Variants in ACOT1 observed in about 807,000 individuals in gnomAD.
ACOT1 encodes acyl-coenzyme A thioesterase 1.
In ACOT1, 8 loss-of-function variants were observed where a neutral mutation model predicts 15.7. The observed-to-expected ratio is 0.51, with a 90% CI of 0.30 to 0.92. ACOT1 has a LOEUF of 0.92. Ranked by LOEUF, ACOT1 falls within the 40% of genes least tolerant of loss-of-function variation. ACOT1 has a pLI of 0.06. For missense variants in ACOT1, 151 were observed against 539.4 expected, an observed-to-expected ratio of 0.28 and a Z score of 7.13; for synonymous variants, 67 against 241.2, an observed-to-expected ratio of 0.28 and a Z score of 6.69.
chr14:73,506,728 A>G, the ACOT1 span, among the ~76,000 whole-genome samples: 1 of 151,784 alleles, frequency 6.6e-6, no homozygotes, highest in South Asian at 2.1e-4. Flanking sequence ...TGACTCTGGG[A>G]TCATAAATTG....
chr14:73,522,475 A>G, the ACOT1 span: 2 of 1,614,208 alleles, frequency 1.2e-6, no homozygotes, highest in South Asian at 2.2e-5. Context: ...GGGATGCCCC[A>G]GGCCTTCGAG....
At chr14:73,517,393 TCTGG>T in the ACOT1 span, 1 of 152,180 alleles carries the variant, frequency 6.6e-6, no homozygotes, top group Non-Finnish European at 1.5e-5. Flanking sequence ...AAAAGAATCC[TCTGG>T]CTGGGAGAGT....
the ACOT1 span, chr14:73,518,981 C>G: frequency 1.3e-6 from 2 of 1,575,334 alleles, no homozygotes; most frequent in Admixed American, 3.5e-5. Flanking sequence ...TAGCCACATT[C>G]CCGTTATTAA....
Position 73,537,848 on chromosome 14 carries a change from C to G in ACOT1, c.427C>G (p.Arg143Gly). 1 of 1,205,498 alleles carries G rather than the reference C, an allele frequency of 8.3e-7. No homozygotes were observed. The highest frequency in any genetic ancestry group is 1.1e-6 in the Non-Finnish European group (1 of 921,624). 74.7% of individuals were successfully genotyped at this position (1,205,498 alleles called of 1,614,324 possible). Reference protein sequence around the residue: ...GVRREPVRAGRVRGTLFLPPE... With the variant: ...GVRREPVRAGGVRGTLFLPPE... ...GCGGCGCGAGCCGGTGCGCGCGGGCCGGGTGCGAGGCACGCTCTTCCTGCC... is the reference window on the plus strand; with the variant it reads ...GCGGCGCGAGCCGGTGCGCGCGGGCGGGGTGCGAGGCACGCTCTTCCTGCC... Residue 143 changes from arginine (R) to glycine (G), a missense_variant, in exon 1 of 3, where the codon CGG becomes GGG. Coordinates refer to ENST00000311148, the MANE Select transcript of ACOT1 (RefSeq NM_001037161.2).
the ACOT1 span, chr14:73,523,089 G>A: frequency 1.1e-4 from 173 of 1,611,762 alleles, no homozygotes; most frequent in Non-Finnish European, 4.2e-5. Flanking sequence ...CATCCCAGTC[G>A]TGGGGGCAGT....
chr14:73,524,307 AAAAATAT>A, the ACOT1 span, among the ~76,000 whole-genome samples: 21 of 110,068 alleles, frequency 1.9e-4, no homozygotes, highest in Non-Finnish European at 3.6e-4. Context: ...AAAAAAAAAA[AAAAATAT>A]ATATATATAT....
chr14:73,514,220 G>A, the ACOT1 span: 1 of 1,614,050 alleles, frequency 6.2e-7, no homozygotes, highest in Non-Finnish European at 8.5e-7. Flanking sequence ...AGGGCTCCTT[G>A]CACAGGTCTG....
chr14:73,529,687 G>A, the ACOT1 span, among the ~76,000 whole-genome samples: 1 of 152,140 alleles, frequency 6.6e-6, no homozygotes, highest in South Asian at 2.1e-4. Context: ...CTCACCCTCT[G>A]GTCTGATACC....
the ACOT1 span, among the ~76,000 whole-genome samples, chr14:73,494,060 T>C: frequency 6.6e-6 from 1 of 152,344 alleles, no homozygotes; most frequent in East Asian, 1.9e-4. Context: ...TAGTTGTGCC[T>C]TCATAGACCT....
the ACOT1 span, chr14:73,511,993 C>T: frequency 1.4e-5 from 23 of 1,613,672 alleles, no homozygotes; most frequent in Non-Finnish European, 1.8e-5. Context: ...AGCAGTTCAG[C>T]TTTGGCTCTC....
chr14:73,515,635 G>A, the ACOT1 span, among the ~76,000 whole-genome samples: 4 of 133,760 alleles, frequency 3.0e-5, no homozygotes, highest in African/African-American at 5.7e-5. Context: ...AGCTGAGATC[G>A]CGCTCCAACC....
At chr14:73,492,318 C>T in the ACOT1 span, 3 of 1,614,034 alleles carry the variant, frequency 1.9e-6, no homozygotes, top group Non-Finnish European at 2.5e-6. This position sits in a 1 kb window ranked among gnomAD's most constrained non-coding sequence, Gnocchi z 4.9. Context: ...TTCTTAGAGG[C>T]CATACTGCCT....
At chr14:73,501,372 G>T in the ACOT1 span, among the ~76,000 whole-genome samples, 6 of 151,832 alleles carry the variant, frequency 4.0e-5, no homozygotes, top group Non-Finnish European at 7.4e-5. Context: ...TGATCTGCCC[G>T]CCTCGGCCTC....
chr14:73,505,683 G>A, the ACOT1 span, among the ~76,000 whole-genome samples: 1 of 151,882 alleles, frequency 6.6e-6, no homozygotes, highest in Non-Finnish European at 1.5e-5. Context: ...GTGAGCCACC[G>A]TGCCCGGCCG....
At chr14:73,493,215 C>T in the ACOT1 span, 5 of 1,006,846 alleles carry the variant, frequency 5.0e-6, no homozygotes, top group East Asian at 4.8e-5. Context: ...CACCTTCAGG[C>T]TTCAGTGTAC....
At chr14:73,521,940 C>T in the ACOT1 span, among the ~76,000 whole-genome samples, 1 of 152,216 alleles carries the variant, frequency 6.6e-6, no homozygotes, top group Non-Finnish European at 1.5e-5. Flanking sequence ...CTGGGAATGA[C>T]TTTGTTCCTC....
At chr14:73,505,235 C>A in the ACOT1 span, among the ~76,000 whole-genome samples, 2 of 152,040 alleles carry the variant, frequency 1.3e-5, no homozygotes, top group African/African-American at 4.8e-5. Flanking sequence ...GAACTTTAAC[C>A]AATAAATTTA....
At chr14:73,499,229 C>G in the ACOT1 span, 1 of 1,174,832 alleles carries the variant, frequency 8.5e-7, no homozygotes, top group Non-Finnish European at 1.3e-6. Flanking sequence ...CCCTGTAATC[C>G]CAGCATTTTG....
At chr14:73,497,747 C>T in the ACOT1 span, among the ~76,000 whole-genome samples, 1 of 152,194 alleles carries the variant, frequency 6.6e-6, no homozygotes, top group South Asian at 2.1e-4. Context: ...CTGCCTCAGC[C>T]TCCCTAGTAG....
Sources: gnomAD v4.1 joint callset for allele counts (sites outside exome capture counted in the v4.1 genomes callset) on GRCh38, gnomAD v4.1.1 for gene constraint, Gnocchi (gnomAD v3.1) non-coding constraint, MANE v1.5 for transcripts, NCBI Gene and HGNC (gene_info 2026-07-23, HGNC 2026-07-21) for gene names.